Variants in ARHGAP19 observed in about 807,000 individuals in gnomAD.
ARHGAP19 encodes rho GTPase-activating protein 19.
A neutral mutation model predicts 60.9 loss-of-function variants in ARHGAP19; 48 were observed. The ratio of observed to expected loss-of-function variants is 0.79; its 90% CI spans 0.62 to 1.00. The LOEUF is 1.00. Ranked by LOEUF, ARHGAP19 falls within the 50% of genes least tolerant of loss-of-function variation. The pLI, the probability that ARHGAP19 is intolerant of heterozygous loss-of-function variation, is 0.00. For synonymous variants in ARHGAP19, 209 were observed against 215.5 expected (o/e 0.97, Z 0.27); for missense variants, 562 against 597.2 (o/e 0.94, Z 0.61).
intron 1 of ARHGAP19, among the ~76,000 whole-genome samples, chr10:97,283,026 AGAGACGGGG>A (rs1176484766): frequency 1.3e-5 from 2 of 150,572 alleles, no homozygotes; most frequent in Admixed American, 1.3e-4. Flanking sequence ...TATTTTTAGT[AGAGACGGGG>A]TTTCACCATA....
intron 1 of ARHGAP19, among the ~76,000 whole-genome samples, chr10:97,270,026 C>G (rs1394408453): frequency 1.3e-5 from 2 of 152,120 alleles, no homozygotes; most frequent in East Asian, 3.8e-4. Flanking sequence ...CAAAACTACT[C>G]CCTCCTAAAC....
rs1046952982 is a variant in ARHGAP19, at chr10:97,285,474, G to A, written c.56+7098C>T. On this transcript the variant is annotated intron_variant, in intron 1 of 11. Transcript: ENST00000358531. ...CAGCCTCCCAAGTAGCTGGGACTGCGGGTATGTGCCACCATACCTAGATAA... is the reference window on the plus strand; with the variant it reads ...CAGCCTCCCAAGTAGCTGGGACTGCAGGTATGTGCCACCATACCTAGATAA... 6.0e-5 allele frequency among the ~76,000 whole-genome samples: 9 copies of A among 151,032 alleles called. No individual in the cohort carries two copies. The South Asian group carries it at 8.4e-4, about 14-fold the overall frequency.
intron 6 of ARHGAP19, among the ~76,000 whole-genome samples, chr10:97,251,303 AAGGAAG>A (rs1842650506): frequency 3.0e-5 from 1 of 33,266 alleles, no homozygotes; most frequent in Admixed American, 3.0e-4. Flanking sequence ...GGAAGGGGAA[AAGGAAG>A]GGAAGGGGAA....
intron 3 of ARHGAP19, 118 bp from the exon 4 acceptor site, chr10:97,263,747 T>G: frequency 9.3e-7 from 1 of 1,074,864 alleles, no homozygotes; most frequent in Non-Finnish European, 1.3e-6. Flanking sequence ...GCCTTTCAAG[T>G]AAGTTTTTGC....
intron 5 of ARHGAP19, among the ~76,000 whole-genome samples, chr10:97,257,124 A>AAAAC (rs773134403): frequency 1.2e-3 from 184 of 152,188 alleles, no homozygotes; most frequent in Middle Eastern, 6.8e-3. Flanking sequence ...CTGTCTCAAA[A>AAAAC]AAACAAACAA....
chr10:97,283,874 G>A (rs1357155766), intron 1 of ARHGAP19, among the ~76,000 whole-genome samples: 2 of 142,624 alleles, frequency 1.4e-5, no homozygotes, highest in African/African-American at 5.1e-5. Context: ...AATAATGGTT[G>A]TATCTATCTG....
intron 7 of ARHGAP19, among the ~76,000 whole-genome samples, chr10:97,245,731 A>C (rs1202680242): frequency 6.6e-6 from 1 of 152,098 alleles, no homozygotes; most frequent in Non-Finnish European, 1.5e-5. Flanking sequence ...ATACCAATGA[A>C]CCTAAAATAG....
chr10:97,224,343 A>G lies in ARHGAP19; in HGVS notation c.*1779T>C, dbSNP rs1850857601. On this transcript the variant is annotated 3_prime_UTR_variant, in exon 12 of 12. Transcript: ENST00000358531. Reference sequence around the variant, plus strand: ...TTTCATTTTCTTAATAAGAAAAAAAAAGTCAAATATTTAATAGAAACCTAC... The same window carrying G: ...TTTCATTTTCTTAATAAGAAAAAAAGAGTCAAATATTTAATAGAAACCTAC... 6.6e-6 allele frequency: 1 copy of G among 152,250 alleles called. No homozygotes were observed. The highest frequency in any genetic ancestry group is 1.5e-5 in the Non-Finnish European group (1 of 68,044). The allele number at this position is 152,250 out of a possible 1,614,324, so 9.4% of individuals were successfully genotyped here.
Position 97,244,040 on chromosome 10 carries a change from C to G in ARHGAP19, c.1113G>C (p.Glu371Asp). The part of the protein sequence containing the change: ...HQEETQHHTE[E>D]ALRELFQHVH... ...CGTGTTGAAACAGCTCTCTCAGTGCCTCTTCCGTATGGTGCTGGGTCTCCT... is the reference window on the plus strand; with the variant it reads ...CGTGTTGAAACAGCTCTCTCAGTGCGTCTTCCGTATGGTGCTGGGTCTCCT... The change falls in exon 8 of 12, where the codon GAG (glutamate) becomes GAC (aspartate). Residue 371 changes from glutamate (E) to aspartate (D), a missense_variant. By Grantham distance (45) the Glu-to-Asp change is conservative. Transcript: ENST00000358531. 6.2e-7 allele frequency: 1 copy of G among 1,614,052 alleles called. No homozygotes were observed.
At chr10:97,253,278 T>C (rs1275462004) in intron 6 of ARHGAP19, among the ~76,000 whole-genome samples, 1 of 151,374 alleles carries the variant, frequency 6.6e-6, no homozygotes. Flanking sequence ...CTCGAGAGGC[T>C]GAGGCAGGAG....
Position 97,265,921 on chromosome 10 carries a change from C to T in ARHGAP19, c.261G>A (p.Leu87=). Residue 87 remains leucine, a synonymous_variant, in exon 2 of 12, where the codon TTG becomes TTA. Transcript: ENST00000358531. ...CTGATGCTGGGCCAGCCCCGCCAGG[C>T]AACTTAAGGTCCACTTCCCCCATCA... is the stretch of plus-strand genomic sequence containing the variant. ...AQLMGEVDLK[L]PGGAGPASGF... is the part of the protein sequence containing the mutation. The T allele has an allele frequency of 1.2e-6, 2 of 1,614,118 alleles. No individual in the cohort carries two copies. The highest frequency in any genetic ancestry group is 1.7e-6 in the Non-Finnish European group (2 of 1,180,010).
intron 6 of ARHGAP19, among the ~76,000 whole-genome samples, chr10:97,252,972 T>TA (rs1188597089): frequency 6.6e-6 from 1 of 151,936 alleles, no homozygotes; most frequent in Non-Finnish European, 1.5e-5. Context: ...TATTCCGCCA[T>TA]AAAAAAAGAA....
rs1012364872 is a variant in ARHGAP19 at position 97,292,588 on chromosome 10, G to A, written c.40C>T (p.Arg14Cys). The A allele has an allele frequency of 2.5e-6, 4 of 1,614,144 alleles. No individual in the cohort carries two copies. The highest frequency in any genetic ancestry group is 3.4e-6 in the Non-Finnish European group (4 of 1,180,026). ...TCAGCTCACCTCCGGCCGGATTCGC[G>A]GGCTGGCACCTCCCCTTCACTCTGT... ...EAQSEGEVPA[R>C]ESGRSDAICS... Residue 14 changes from arginine to cysteine, a missense_variant, in exon 1 of 12, where the codon CGC becomes TGC. Transcript: ENST00000358531.
chr10:97,272,166 C>T (rs543865803), intron 1 of ARHGAP19, among the ~76,000 whole-genome samples: 3 of 108,604 alleles, frequency 2.8e-5, no homozygotes, highest in African/African-American at 9.9e-5. Context: ...GACAGAGTCT[C>T]ACTCTGTCAC....
At chr10:97,243,060 G>T (rs757968626) in intron 8 of ARHGAP19, among the ~76,000 whole-genome samples, 1 of 152,172 alleles carries the variant, frequency 6.6e-6, no homozygotes, top group Non-Finnish European at 1.5e-5. Context: ...GCAATACTCA[G>T]CCAACACCCT....
At chr10:97,228,068 T>G (rs1456542818) in intron 11 of ARHGAP19, among the ~76,000 whole-genome samples, 1 of 152,250 alleles carries the variant, frequency 6.6e-6, no homozygotes, top group Admixed American at 6.5e-5. Context: ...AACCCCCATC[T>G]TGTCTCAATT....
Position 97,226,071 on chromosome 10 carries a change from C to T in ARHGAP19, c.*51G>A, listed in dbSNP as rs755655623. ...TTGCTGTGGGCAGGAATAACACCTG[C>T]CCACTAAACAGAAAATTCTGCATGG... On this transcript the variant is annotated 3_prime_UTR_variant, in exon 12 of 12. Coordinates refer to ENST00000358531, the MANE Select transcript of ARHGAP19 (RefSeq NM_032900.6). 18 of 1,601,360 alleles carry T rather than the reference C, an allele frequency of 1.1e-5. No homozygotes were observed. The highest frequency in any genetic ancestry group is 1.5e-5 in the Non-Finnish European group (18 of 1,170,484).
At chr10:97,253,849 T>C (rs986262203) in intron 6 of ARHGAP19, among the ~76,000 whole-genome samples, 1 of 152,138 alleles carries the variant, frequency 6.6e-6, no homozygotes, top group African/African-American at 2.4e-5. Flanking sequence ...AATCTATCTA[T>C]GAAACTGTGA....
chr10:97,251,324 AG>A (rs1225444409), intron 6 of ARHGAP19, among the ~76,000 whole-genome samples: 1 of 44,794 alleles, frequency 2.2e-5, no homozygotes, highest in Non-Finnish European at 4.2e-5. Context: ...GGGGAAGGGA[AG>A]GGGAAAGGGA....
Sources: allele counts gnomAD v4.1 joint callset (sites outside exome capture counted in the v4.1 genomes callset), GRCh38; gene constraint gnomAD v4.1.1; transcripts MANE v1.5; gene names NCBI Gene and HGNC (gene_info 2026-07-23, HGNC 2026-07-21).